SOX6: variants seen among roughly 807,000 people sequenced by gnomAD.
The protein encoded by SOX6 is SRY-box transcription factor 6.
A neutral mutation model predicts 97.8 loss-of-function variants in SOX6; 11 were observed. The ratio of observed to expected loss-of-function variants is 0.11; its 90% confidence interval spans 0.07 to 0.19. The LOEUF is 0.19. SOX6 is among the 10% of genes least tolerant of loss of function. SOX6 has a pLI of 1.00. For missense variants in SOX6, 810 were observed against 1,039.5 expected (o/e 0.78, Z 3.04); for synonymous variants, 360 against 371.4 (o/e 0.97, Z 0.35).
chr11:16,403,604 A>G (rs1858616017), intron 1 of SOX6, among the ~76,000 whole-genome samples: 1 of 151,774 alleles, frequency 6.6e-6, no homozygotes, highest in African/African-American at 2.4e-5. Flanking sequence ...ACCACTGCCT[A>G]CAGTAACATA....
At chr11:15,973,584 C>T (rs1229684869) in intron 15 of SOX6, among the ~76,000 whole-genome samples, 1 of 152,174 alleles carries the variant, frequency 6.6e-6, no homozygotes, top group Non-Finnish European at 1.5e-5. Context: ...GAGAAGGGAC[C>T]TAGCATGTCC....
chr11:16,310,489 T>C (rs994978604), intron 3 of SOX6, among the ~76,000 whole-genome samples: 5 of 152,088 alleles, frequency 3.3e-5, no homozygotes, highest in African/African-American at 1.2e-4. Flanking sequence ...GTATTTACTA[T>C]GAATATGATA....
intron 12 of SOX6, among the ~76,000 whole-genome samples, chr11:16,022,252 A>G (rs1167944025): frequency 1.3e-5 from 2 of 152,126 alleles, no homozygotes; most frequent in African/African-American, 4.8e-5. Context: ...CCAAAGGTCA[A>G]TATCCTTTCT....
intron 3 of SOX6, among the ~76,000 whole-genome samples, chr11:16,308,022 A>C (rs980353678): frequency 5.3e-5 from 8 of 152,154 alleles, no homozygotes; most frequent in Non-Finnish European, 8.8e-5. Flanking sequence ...TCAAGACATC[A>C]ACTAAGAAAG....
intron 6 of SOX6, among the ~76,000 whole-genome samples, chr11:16,112,166 GT>G (rs1564960924): frequency 2.0e-5 from 3 of 152,096 alleles, no homozygotes; most frequent in Non-Finnish European, 4.4e-5. Context: ...CCGAACTGTA[GT>G]TAATGGTTTT....
chr11:16,292,687 C>T (rs987723218), intron 3 of SOX6, among the ~76,000 whole-genome samples: 26 of 152,236 alleles, frequency 1.7e-4, no homozygotes, highest in Middle Eastern at 3.4e-3. Context: ...TATACCCCGA[C>T]GGATAGGCTG....
At chr11:16,316,733 C>T (rs1313765275) in intron 3 of SOX6, 1 of 152,048 alleles carries the variant, frequency 6.6e-6, no homozygotes, top group African/African-American at 2.4e-5. Flanking sequence ...AGAACTGAAA[C>T]CATCTTTTGG....
At chr11:16,444,011 CAAA>C (rs11448266) in intron 1 of SOX6, among the ~76,000 whole-genome samples, 5 of 115,424 alleles carry the variant, frequency 4.3e-5, no homozygotes, top group Admixed American at 9.4e-5. Flanking sequence ...GACTCTGTCT[CAAA>C]AAAAAAAAAA....
chr11:16,578,729 AG>A (rs1848005977), intron 4 of SOX6, among the ~76,000 whole-genome samples: 4 of 152,178 alleles, frequency 2.6e-5, no homozygotes, highest in Admixed American at 1.3e-4. Context: ...AGAGGAGTGC[AG>A]AGAAATATTA....
At chr11:15,975,666 C>A (rs1319707047) in intron 15 of SOX6, among the ~76,000 whole-genome samples, 3 of 152,128 alleles carry the variant, frequency 2.0e-5, no homozygotes, top group Non-Finnish European at 2.9e-5. Flanking sequence ...AGGTAGGTAT[C>A]ATTTTCCCTC....
At chr11:16,401,002 C>T (rs978738188) in intron 1 of SOX6, among the ~76,000 whole-genome samples, 1 of 151,434 alleles carries the variant, frequency 6.6e-6, no homozygotes, top group African/African-American at 2.4e-5. Context: ...TCTGTGTTTG[C>T]ATAAAGCACA....
intron 1 of SOX6, among the ~76,000 whole-genome samples, chr11:16,435,640 T>C (rs1025947167): frequency 9.9e-5 from 15 of 151,990 alleles, no homozygotes; most frequent in African/African-American, 3.6e-4. Flanking sequence ...TGTGAGACAA[T>C]ACATTTCTGT....
intron 4 of SOX6, among the ~76,000 whole-genome samples, chr11:16,510,720 T>G (rs1860868664): frequency 1.3e-5 from 2 of 152,122 alleles, no homozygotes; most frequent in Non-Finnish European, 2.9e-5. Context: ...AAAGGTAGGT[T>G]ATGCTGAGCT....
At position 16,003,353 on chromosome 11, in the gene SOX6, C is replaced by T. The variant is rs373168753; in HGVS notation, c.1732+11589G>A. Among the ~76,000 whole-genome samples the T allele has an allele frequency of 1.2e-4, 19 of 152,122 alleles. No homozygotes were observed. In the East Asian group the frequency reaches 2.7e-3, roughly 22 times the overall value. On this transcript the variant is annotated intron_variant, in intron 13 of 15. Transcript: ENST00000683767. ...TTGCAATCACTCATTATTGAAGACT[C>T]GTCTCAGGTATTATTTATCCCATGA...
At chr11:16,523,802 T>C (rs1333182190) in intron 4 of SOX6, among the ~76,000 whole-genome samples, 2 of 151,990 alleles carry the variant, frequency 1.3e-5, no homozygotes, top group East Asian at 3.9e-4. Context: ...AAAGGGGATA[T>C]CACCACCGAT....
chr11:16,733,159 G>A (rs1564880266), intron 2 of SOX6, among the ~76,000 whole-genome samples: 1 of 152,246 alleles, frequency 6.6e-6, no homozygotes, highest in Non-Finnish European at 1.5e-5. Context: ...CATTGTGGAA[G>A]ACAGTGTGAC....
At position 16,615,494 on chromosome 11, in the gene SOX6, C is replaced by A. The variant is rs114911320; in HGVS notation, n.430-3234G>T. On this transcript the variant is annotated intron_variant and non_coding_transcript_variant, in intron 3 of 5. Transcript: ENST00000524520. ...CACAAATCACATGTGCAGTCAGGGA[C>A]CAATTCCATTATTTTTAATCAAAAA... is the stretch of plus-strand genomic sequence containing the variant. 7.1e-3 allele frequency among the ~76,000 whole-genome samples: 1,078 copies of A among 152,234 alleles called. 14 individuals carry two copies. The highest frequency in any genetic ancestry group is 0.023 in the African/African-American group (972 of 41,528).
intron 3 of SOX6, among the ~76,000 whole-genome samples, chr11:16,675,231 C>T (rs1003686390): frequency 1.3e-5 from 2 of 152,206 alleles, no homozygotes; most frequent in Non-Finnish European, 2.9e-5. Context: ...CTCTCTGCAA[C>T]ATTGAACTCC....
At chr11:16,091,210 G>A (rs1188837408) in intron 9 of SOX6, among the ~76,000 whole-genome samples, 2 of 152,086 alleles carry the variant, frequency 1.3e-5, no homozygotes, top group African/African-American at 4.8e-5. Context: ...GGCTGATTAA[G>A]AGAAAAGCAT....
Sources: allele counts gnomAD v4.1 joint callset (sites outside exome capture counted in the v4.1 genomes callset), GRCh38; gene constraint gnomAD v4.1.1; transcripts MANE v1.5; gene names NCBI Gene and HGNC (gene_info 2026-07-23, HGNC 2026-07-21).